The following MYOF variants were observed in gnomAD, a reference collection of about 807,000 sequenced individuals.
MYOF encodes the protein fer-1-like 3, myoferlin.
In MYOF, 244 loss-of-function variants were observed where a neutral mutation model predicts 284.2. That is an observed-to-expected ratio of 0.86 (90% CI 0.77 to 0.95). The LOEUF is 0.95. Ranked by LOEUF, MYOF falls within the 40% of genes least tolerant of loss-of-function variation. MYOF has a pLI of 0.00. For synonymous variants in MYOF, 904 were observed against 919.7 expected (o/e 0.98, Z 0.31); for missense variants, 2,496 against 2,560.6 (o/e 0.97, Z 0.54).
At chr10:93,315,908 C>G (rs1471055396) in intron 50 of MYOF, among the ~76,000 whole-genome samples, 2 of 151,286 alleles carry the variant, frequency 1.3e-5, no homozygotes, top group Non-Finnish European at 2.9e-5. Flanking sequence ...ATTGCTTGAG[C>G]TCAGGGGTTC....
chr10:93,355,254 C>T (rs1844740895), intron 31 of MYOF, among the ~76,000 whole-genome samples: 1 of 152,180 alleles, frequency 6.6e-6, no homozygotes, highest in African/African-American at 2.4e-5. Context: ...TGAAGAGTTT[C>T]CTTAAGATAA....
At position 93,482,164 on chromosome 10, in the gene MYOF, T is replaced by C. The variant is rs532506401; in HGVS notation, c.31A>G (p.Asn11Asp). 8.7e-6 allele frequency: 14 copies of C among 1,614,200 alleles called. No homozygotes were observed. In the African/African-American group the frequency reaches 1.5e-4, roughly 17 times the overall value. ...TTGCCAAATTTCGTTTTAGGGATAT[T>C]GCTGGCAGATTCCACAATCACTCGC... is the stretch of plus-strand genomic sequence containing the variant. MLRVIVESAS[N>D]IPKTKFGKPD... The change falls in exon 1 of 54, where the codon AAT becomes GAT. Residue 11 changes from asparagine to aspartate, a missense_variant. Physicochemically the swap from Asn to Asp is conservative, Grantham distance 23 (BLOSUM62 1). Coordinates refer to ENST00000359263, the MANE Select transcript of MYOF (RefSeq NM_013451.4).
intron 37 of MYOF, 51 bp downstream of exon 37, chr10:93,347,566 A>AAAAATAAAAAAAT: frequency 3.3e-6 from 4 of 1,221,960 alleles, no homozygotes; most frequent in South Asian, 1.8e-5. Flanking sequence ...CTCAAAAAAA[A>AAAAATAAAAAAAT]AAAAAAAAAA....
At chr10:93,465,538 CTTTTT>C (rs71031511) in intron 1 of MYOF, among the ~76,000 whole-genome samples, 1 of 112,164 alleles carries the variant, frequency 8.9e-6, no homozygotes, top group African/African-American at 3.3e-5. Context: ...TTTTTCTTTT[CTTTTT>C]TTTTTTTTTT....
intron 41 of MYOF, 92 bp from the exon 42 acceptor site, chr10:93,334,005 T>C: frequency 1.5e-6 from 2 of 1,314,608 alleles, no homozygotes; most frequent in Non-Finnish European, 2.1e-6. Context: ...GGGTGTGGGA[T>C]TGAAGGATGG....
Position 93,402,237 on chromosome 10 carries a change from G to C in MYOF, c.985C>G (p.Pro329Ala), listed in dbSNP as rs745625498. The C allele has an allele frequency of 1.2e-6, 2 of 1,612,976 alleles. No individual in the cohort carries two copies. Among genetic ancestry groups the C allele is most frequent in the Admixed American group, 1.7e-5 (1 of 60,008 alleles). Residue 329 changes from proline to alanine, a missense_variant, in exon 11 of 54, where the codon CCT becomes GCT. This residue lies in a region of MYOF where 2,436 missense variants were observed against 2,480.7 expected (regional missense o/e 0.98). Coordinates refer to ENST00000359263, the MANE Select transcript of MYOF (RefSeq NM_013451.4). ...TAGAGAATGTAGGGACTCACAGGAG[G>C]CTCATCTCCGGTTCCCAGGACAAAC... Reference protein sequence around the residue: ...SMFVLGTGDEPPPERRDRDND... With the variant: ...SMFVLGTGDEAPPERRDRDND...
At chr10:93,408,623 A>G (rs1030971569) in intron 7 of MYOF, among the ~76,000 whole-genome samples, 164 bp downstream of exon 7, 1 of 151,806 alleles carries the variant, frequency 6.6e-6, no homozygotes, top group African/African-American at 2.4e-5. Context: ...CTTAAACTCC[A>G]GGGCTTTTTC....
chr10:93,347,855 G>A lies in MYOF; in HGVS notation c.4084-73C>T. 9.0e-6 allele frequency: 13 copies of A among 1,447,112 alleles called. No individual in the cohort carries two copies. In the South Asian group the frequency reaches 1.4e-4, roughly 16 times the overall value. The allele number at this position is 1,447,112 out of a possible 1,614,324, so 89.6% of individuals were successfully genotyped here. A position where few individuals can be genotyped will look rare whatever the true frequency, so the allele number is the denominator to read the frequency against. Reference sequence around the variant, plus strand: ...AGCTTTGAGAAAAATTCCCCAGATGGACCAGTCCAGATTCTCTCTGCCACA... The same window carrying A: ...AGCTTTGAGAAAAATTCCCCAGATGAACCAGTCCAGATTCTCTCTGCCACA... On this transcript the variant is annotated intron_variant, in intron 36 of 53. Coordinates refer to ENST00000359263, the MANE Select transcript of MYOF (RefSeq NM_013451.4).
In MYOF at chr10:93,396,221, G is replaced by T. The variant is rs1847002910; in HGVS notation, c.1338C>A (p.Asp446Glu). Reference protein sequence around the residue: ...EKIKLTIYDWDRLTKNDVVGT... With the variant: ...EKIKLTIYDWERLTKNDVVGT... Reference sequence around the variant, plus strand: ...CAACTACATCATTTTTAGTAAGACGGTCCCTGTGTAAAAAATAAAAATAAA... The same window carrying T: ...CAACTACATCATTTTTAGTAAGACGTTCCCTGTGTAAAAAATAAAAATAAA... Residue 446 changes from aspartate (D) to glutamate (E), a missense_variant, in exon 16 of 54, where the codon GAC becomes GAA. Physicochemically the swap from Asp to Glu is conservative, Grantham distance 45. Transcript: ENST00000359263. 7 of 1,580,808 alleles carry T rather than the reference G, an allele frequency of 4.4e-6. No individual in the cohort carries two copies. Among genetic ancestry groups the T allele is most frequent in the Non-Finnish European group, 6.0e-6 (7 of 1,164,380 alleles).
Position 93,336,606 on chromosome 10 carries a change from G to A in MYOF, c.4438-560C>T, listed in dbSNP as rs143399599. Among the ~76,000 whole-genome samples the A allele has an allele frequency of 3.1e-3, 476 of 152,278 alleles. 1 individual carries two copies. The highest frequency in any genetic ancestry group is 1.0e-2 in the African/African-American group (414 of 41,552). On this transcript the variant is annotated intron_variant, in intron 40 of 53. Transcript: ENST00000359263. ...TGGAAAATTGACTGGAAAGGGACAC[G>A]GGGAAGTTTTCTGTGGGAATGGGAA...
At position 93,310,540 on chromosome 10, in the gene MYOF, A is replaced by G; in HGVS notation, c.5993T>C (p.Leu1998Ser). Reference sequence around the variant, plus strand: ...AACAAAGAAGGCCTCTCACTTTGGTAAGTCCAGCTTGGGGTTCATGTTGGG... The same window carrying G: ...AACAAAGAAGGCCTCTCACTTTGGTGAGTCCAGCTTGGGGTTCATGTTGGG... ...DEPNMNPKLD[L>S]PNRPETSFLW... is the part of the protein sequence containing the mutation. The change falls in exon 52 of 54, where the codon TTA becomes TCA. Residue 1998 changes from leucine (L) to serine (S), a missense_variant. Physicochemically the swap from Leu to Ser is moderately radical, Grantham distance 145. Transcript: ENST00000359263. 1.2e-6 allele frequency: 2 copies of G among 1,614,084 alleles called. No individual in the cohort carries two copies. Among genetic ancestry groups the G allele is most frequent in the Non-Finnish European group, 1.7e-6 (2 of 1,179,972 alleles).
At chr10:93,420,344 G>A (rs1848308938) in intron 5 of MYOF, among the ~76,000 whole-genome samples, 1 of 152,192 alleles carries the variant, frequency 6.6e-6, no homozygotes, top group South Asian at 2.1e-4. Context: ...AGTTGCCATG[G>A]TAACAGGTTT....
intron 3 of MYOF, among the ~76,000 whole-genome samples, chr10:93,451,053 G>T (rs2056575118): frequency 6.6e-6 from 1 of 152,164 alleles, no homozygotes; most frequent in Non-Finnish European, 1.5e-5. Flanking sequence ...TTAAGTATTA[G>T]TATCAGCTGG....
At position 93,323,377 on chromosome 10, in the gene MYOF, A is replaced by C. The variant is rs1199080917; in HGVS notation, c.5272-19T>G. Reference sequence around the variant, plus strand: ...GTTTTCCCTAAACCATTTGAAAATGAAAAGAGGACTGAAGTTATATGATGG... The same window carrying C: ...GTTTTCCCTAAACCATTTGAAAATGCAAAGAGGACTGAAGTTATATGATGG... On this transcript the variant is annotated intron_variant, in intron 46 of 53. Transcript: ENST00000359263. 1 of 1,590,342 alleles carries C rather than the reference A, an allele frequency of 6.3e-7. No individual in the cohort carries two copies. The highest frequency in any genetic ancestry group is 8.6e-7 in the Non-Finnish European group (1 of 1,162,966).
chr10:93,470,019 A>C (rs1330189972), intron 1 of MYOF, among the ~76,000 whole-genome samples: 1 of 152,132 alleles, frequency 6.6e-6, no homozygotes, highest in Non-Finnish European at 1.5e-5. Context: ...GCCTGAGGTC[A>C]GGAGTTCGAG....
chr10:93,318,472 G>C (rs1842713532), intron 49 of MYOF, among the ~76,000 whole-genome samples: 1 of 151,984 alleles, frequency 6.6e-6, no homozygotes, highest in African/African-American at 2.4e-5. Flanking sequence ...TATTAAAACA[G>C]TGCTGGCTGG....
intron 7 of MYOF, among the ~76,000 whole-genome samples, 167 bp from the exon 8 acceptor site, chr10:93,404,386 T>C (rs1425009998): frequency 6.6e-6 from 1 of 152,222 alleles, no homozygotes; most frequent in Non-Finnish European, 1.5e-5. Context: ...CCCTGCAGTT[T>C]AAGCTTCATG....
chr10:93,308,887 T>A (rs965190830), intron 53 of MYOF, among the ~76,000 whole-genome samples: 2 of 152,234 alleles, frequency 1.3e-5, no homozygotes, highest in Admixed American at 1.3e-4. Flanking sequence ...AATTTTTGTA[T>A]TTTTAGTAGA....
chr10:93,369,269 G>A (rs1358373143), intron 25 of MYOF, among the ~76,000 whole-genome samples: 1 of 151,934 alleles, frequency 6.6e-6, no homozygotes, highest in Non-Finnish European at 1.5e-5. Context: ...GTGTGTGTGT[G>A]TGTGTGTATA....
Sources: gnomAD v4.1 joint callset for allele counts (sites outside exome capture counted in the v4.1 genomes callset) on GRCh38, gnomAD v4.1.1 for gene constraint, gnomAD v4.1.1 regional missense constraint, MANE v1.5 for transcripts, NCBI Gene and HGNC (gene_info 2026-07-23, HGNC 2026-07-21) for gene names.